Variants in FOXO3B observed in about 807,000 individuals in gnomAD.
FOXO3B encodes forkhead box protein O3B.
FOXO3B carries 15 observed loss-of-function variants against 21.9 expected under a neutral mutation model. The observed-to-expected ratio is 0.68, with a 90% confidence interval of 0.46 to 1.05. The LOEUF is 1.05. Ranked by LOEUF, FOXO3B falls within the 50% of genes least tolerant of loss-of-function variation. The pLI, the probability that FOXO3B is intolerant of heterozygous loss-of-function variation, is 0.00. For synonymous variants in FOXO3B, 135 were observed against 213.6 expected, an observed-to-expected ratio of 0.63 and a Z score of 3.21; for missense variants, 293 against 435.5, an observed-to-expected ratio of 0.67 and a Z score of 2.91.
chr17:18,677,512 A>C (rs888670320), intron 3 of FOXO3B: 241 of 1,613,332 alleles, frequency 1.5e-4, no homozygotes, highest in Admixed American at 3.0e-4. Context: ...TTGGAGAACT[A>C]CGAGGAGTAT....
chr17:18,671,139 C>T lies in FOXO3B; in HGVS notation c.*1170G>A. 5 of 945,368 alleles carry T rather than the reference C, an allele frequency of 5.3e-6. No individual in the cohort carries two copies. Among genetic ancestry groups the T allele is most frequent in the Non-Finnish European group, 8.6e-6 (5 of 581,368 alleles). The allele number at this position is 945,368 out of a possible 1,614,324, so 58.6% of individuals were successfully genotyped here. On this transcript the variant is annotated 3_prime_UTR_variant, in exon 4 of 4. Coordinates refer to ENST00000395675, the MANE Select transcript of FOXO3B (RefSeq NM_001368135.1). ...ATGGCCCATGACGGGCAGGTTTGCA[C>T]TAGTTGAGTACAAGGAGGAGCCTGA...
chr17:18,674,639 A>AAAGGGGGG lies in FOXO3B; in HGVS notation c.127-1585_127-1584insCCCCCCTT, dbSNP rs61684359. 8.2e-5 allele frequency among the ~76,000 whole-genome samples: 10 copies of AAAGGGGGG among 121,404 alleles called. 2 individuals carry two copies. Among genetic ancestry groups the AAAGGGGGG allele is most frequent in the African/African-American group, 3.5e-4 (10 of 28,518 alleles). 79.6% of individuals were successfully genotyped at this position (121,404 alleles called of 152,430 possible). A position where few individuals can be genotyped will look rare whatever the true frequency, so the allele number is the denominator to read the frequency against. ...AGACTCCATCTCAAAAAAAAAAAAA[A>AAAGGGGGG]GGGGGGGGGGAGATTACAGACAAAT... On this transcript the variant is annotated intron_variant, in intron 3 of 3. Transcript: ENST00000395675.
At position 18,670,226 on chromosome 17, in the gene FOXO3B, C is replaced by T. The variant is rs1171848732; in HGVS notation, c.*2083G>A. Among the ~76,000 whole-genome samples, 2 of 152,218 alleles carry T rather than the reference C, an allele frequency of 1.3e-5. No homozygotes were observed. Among genetic ancestry groups the T allele is most frequent in the Admixed American group, 6.5e-5 (1 of 15,292 alleles). On this transcript the variant is annotated 3_prime_UTR_variant, in exon 4 of 4. Coordinates refer to ENST00000395675, the MANE Select transcript of FOXO3B (RefSeq NM_001368135.1). ...TCGTTTTGCCTATGCATGGTTCAGT[C>T]CTGGACGGGTGCGCATAGCAAACAA... is the stretch of plus-strand genomic sequence containing the variant.
Position 18,671,598 on chromosome 17 carries a change from A to C in FOXO3B, c.*711T>G. The C allele has an allele frequency of 1.2e-6, 2 of 1,613,608 alleles. No homozygotes were observed. The highest frequency in any genetic ancestry group is 2.2e-5 in the South Asian group (2 of 91,060). ...GATGGTCTGCATGGGAGACTGGCGT[A>C]GGGAGTTCAGAGATGAAGGTCCAAA... is the stretch of plus-strand genomic sequence containing the variant. On this transcript the variant is annotated 3_prime_UTR_variant, in exon 4 of 4. Coordinates refer to ENST00000395675, the MANE Select transcript of FOXO3B (RefSeq NM_001368135.1).
In FOXO3B at chr17:18,671,563, T is replaced by G. The variant is rs1219435386; in HGVS notation, c.*746A>C. ...GACATGGAAGAGAAGGTAGCTGGCTTGTTCTCTTGGATGGTCTGCATGGGA... is the reference window on the plus strand; with the variant it reads ...GACATGGAAGAGAAGGTAGCTGGCTGGTTCTCTTGGATGGTCTGCATGGGA... On this transcript the variant is annotated 3_prime_UTR_variant, in exon 4 of 4. Transcript: ENST00000395675. 1.9e-6 allele frequency: 3 copies of G among 1,609,754 alleles called. No homozygotes were observed. Among genetic ancestry groups the G allele is most frequent in the African/African-American group, 2.7e-5 (2 of 74,678 alleles).
intron 3 of FOXO3B, among the ~76,000 whole-genome samples, chr17:18,679,451 A>AGTT (rs2032546421): frequency 1.6e-5 from 2 of 122,900 alleles, no homozygotes; most frequent in Non-Finnish European, 3.3e-5. Context: ...TTCCTCCTCA[A>AGTT]CTTTTTTTTT....
rs994329546 is a variant in FOXO3B, at chr17:18,677,494, G to A, written c.126+3247C>T. The A allele has an allele frequency of 4.3e-6, 7 of 1,613,906 alleles. No individual in the cohort carries two copies. The Admixed American group carries it at 6.7e-5, about 15-fold the overall frequency. On this transcript the variant is annotated intron_variant, in intron 3 of 3. Transcript: ENST00000395675. ...TCTGCACTCAACGAGGAGGCGGGCCGCCTGCTCTTGGAGAACTACGAGGAG... is the reference window on the plus strand; with the variant it reads ...TCTGCACTCAACGAGGAGGCGGGCCACCTGCTCTTGGAGAACTACGAGGAG...
At chr17:18,677,566 G>C (rs1450536415) in intron 3 of FOXO3B, 1 of 1,601,718 alleles carries the variant, frequency 6.2e-7, no homozygotes, top group African/African-American at 1.4e-5. Context: ...GGGGGCGCCG[G>C]CGGGCCCAGC....
chr17:18,681,506 A>C, intron 2 of FOXO3B, 109 bp downstream of exon 2: 1 of 842,190 alleles, frequency 1.2e-6, no homozygotes, highest in South Asian at 1.5e-5. Context: ...TCCCCAAGAC[A>C]ATGGAGACAG....
chr17:18,674,392 A>G (rs902326265), intron 3 of FOXO3B, among the ~76,000 whole-genome samples: 9 of 150,282 alleles, frequency 6.0e-5, no homozygotes, highest in East Asian at 5.9e-4. Context: ...TTGGGAGGCC[A>G]AGGAGGGCGG....
At position 18,670,961 on chromosome 17, in the gene FOXO3B, G is replaced by A. The variant is rs1002662638; in HGVS notation, c.*1348C>T. On this transcript the variant is annotated 3_prime_UTR_variant, in exon 4 of 4. Coordinates refer to ENST00000395675, the MANE Select transcript of FOXO3B (RefSeq NM_001368135.1). ...GCTTAGCACCAGTGAAGTTCCCCACGTTCAAACCAACAACATTCTGTGTGG... is the reference window on the plus strand; with the variant it reads ...GCTTAGCACCAGTGAAGTTCCCCACATTCAAACCAACAACATTCTGTGTGG... 8.8e-6 allele frequency: 12 copies of A among 1,364,634 alleles called. No individual in the cohort carries two copies. Among genetic ancestry groups the A allele is most frequent in the Middle Eastern group, 2.0e-4 (1 of 4,958 alleles). 84.5% of individuals were successfully genotyped at this position (1,364,634 alleles called of 1,614,324 possible).
rs1213752466 is a variant in FOXO3B at position 18,670,644 on chromosome 17, A to C, written c.*1665T>G. Among the ~76,000 whole-genome samples, 2 of 152,228 alleles carry C rather than the reference A, an allele frequency of 1.3e-5. No individual in the cohort carries two copies. Among genetic ancestry groups the C allele is most frequent in the Non-Finnish European group, 2.9e-5 (2 of 68,038 alleles). ...CTGAGGGGTGCTGTCCTCCACTGGCAGGCGGCTCACCACCCTGTACAAAGA... is the reference window on the plus strand; with the variant it reads ...CTGAGGGGTGCTGTCCTCCACTGGCCGGCGGCTCACCACCCTGTACAAAGA... On this transcript the variant is annotated 3_prime_UTR_variant, in exon 4 of 4. Coordinates refer to ENST00000395675, the MANE Select transcript of FOXO3B (RefSeq NM_001368135.1).
At position 18,672,126 on chromosome 17, in the gene FOXO3B, T is replaced by G. The variant is rs945753504; in HGVS notation, c.*183A>C. Reference sequence around the variant, plus strand: ...TCTGCAGGGCTGCCTTCTTCTTGGCTGTGCGGCCACGGCTCTTGGTATACT... The same window carrying G: ...TCTGCAGGGCTGCCTTCTTCTTGGCGGTGCGGCCACGGCTCTTGGTATACT... On this transcript the variant is annotated 3_prime_UTR_variant, in exon 4 of 4. Transcript: ENST00000395675. This position sits in a 1 kb window ranked among gnomAD's most constrained non-coding sequence, Gnocchi z 4.2. The G allele has an allele frequency of 6.2e-7, 1 of 1,612,368 alleles. No homozygotes were observed. The highest frequency in any genetic ancestry group is 1.3e-5 in the African/African-American group (1 of 74,870).
chr17:18,672,294 C>A lies in FOXO3B; in HGVS notation c.*15G>T, dbSNP rs1260373314. 6.2e-7 allele frequency: 1 copy of A among 1,611,956 alleles called. No homozygotes were observed. The highest frequency in any genetic ancestry group is 8.5e-7 in the Non-Finnish European group (1 of 1,178,528). On this transcript the variant is annotated 3_prime_UTR_variant, in exon 4 of 4. Coordinates refer to ENST00000395675, the MANE Select transcript of FOXO3B (RefSeq NM_001368135.1). This position sits in a 1 kb window ranked among gnomAD's most constrained non-coding sequence, Gnocchi z 4.2. ...ATCGACTATGCAGTGACAGGTTGTG[C>A]CGGATGGAGTTCTTCTAGCCGGCAG... is the stretch of plus-strand genomic sequence containing the variant.
chr17:18,675,908 A>T (rs1461113244), intron 3 of FOXO3B, among the ~76,000 whole-genome samples: 14 of 128,878 alleles, frequency 1.1e-4, no homozygotes, highest in Non-Finnish European at 8.3e-5. Context: ...AGCAATATTT[A>T]AAAAAAAATT....
chr17:18,676,312 T>C (rs988157246), intron 3 of FOXO3B, among the ~76,000 whole-genome samples: 55 of 152,258 alleles, frequency 3.6e-4, no homozygotes, highest in Middle Eastern at 3.4e-3. Context: ...ACCTACTAAT[T>C]CTTCTTCCAG....
Position 18,672,186 on chromosome 17 carries a change from G to A in FOXO3B, c.*123C>T. 1.9e-6 allele frequency: 3 copies of A among 1,613,206 alleles called. No homozygotes were observed. Among genetic ancestry groups the A allele is most frequent in the Non-Finnish European group, 2.5e-6 (3 of 1,179,434 alleles). ...TGTCCATGGAGACAGCCCGCCGCCG[G>A]GGGGCTTTTCCGCTCTTCCCCCCAT... On this transcript the variant is annotated 3_prime_UTR_variant, in exon 4 of 4. Coordinates refer to ENST00000395675, the MANE Select transcript of FOXO3B (RefSeq NM_001368135.1). This position sits in a 1 kb window ranked among gnomAD's most constrained non-coding sequence, Gnocchi z 4.2.
rs2032505075 is a variant in FOXO3B, at chr17:18,677,258, A to C, written c.126+3483T>G. The C allele has an allele frequency of 9.9e-6, 16 of 1,609,808 alleles. 1 individual carries two copies. The highest frequency in any genetic ancestry group is 1.2e-5 in the Non-Finnish European group (14 of 1,176,980). ...ATAAAACAAGTCTACTTGTATGTAT[A>C]CAAGGTCTGTTCCGCATGAAACTCC... On this transcript the variant is annotated intron_variant, in intron 3 of 3. Transcript: ENST00000395675.
At position 18,672,280 on chromosome 17, in the gene FOXO3B, A is replaced by T; in HGVS notation, c.*29T>A. On this transcript the variant is annotated 3_prime_UTR_variant, in exon 4 of 4. Coordinates refer to ENST00000395675, the MANE Select transcript of FOXO3B (RefSeq NM_001368135.1). This position sits in a 1 kb window ranked among gnomAD's most constrained non-coding sequence, Gnocchi z 4.2. Reference sequence around the variant, plus strand: ...CTGGACCCGCATGAATCGACTATGCAGTGACAGGTTGTGCCGGATGGAGTT... The same window carrying T: ...CTGGACCCGCATGAATCGACTATGCTGTGACAGGTTGTGCCGGATGGAGTT... 2 of 1,611,960 alleles carry T rather than the reference A, an allele frequency of 1.2e-6. No individual in the cohort carries two copies. The highest frequency in any genetic ancestry group is 1.7e-6 in the Non-Finnish European group (2 of 1,178,486).
Sources: gnomAD v4.1 joint callset for allele counts (sites outside exome capture counted in the v4.1 genomes callset) on GRCh38, gnomAD v4.1.1 for gene constraint, Gnocchi (gnomAD v3.1) non-coding constraint, MANE v1.5 for transcripts, NCBI Gene and HGNC (gene_info 2026-07-23, HGNC 2026-07-21) for gene names.